TEAD1: variants seen among roughly 807,000 people sequenced by gnomAD.
The protein encoded by TEAD1 is TEA domain transcription factor 1.
Under a neutral mutation model 54.9 loss-of-function variants are expected in TEAD1, and 9 were observed. The observed-to-expected ratio is 0.16, with a 90% CI of 0.10 to 0.29. The LOEUF (loss-of-function observed/expected upper bound fraction) is 0.29. Ranked by LOEUF, TEAD1 falls within the 10% of genes least tolerant of loss-of-function variation. The probability of loss-of-function intolerance (pLI) is 1.00; values close to 1 mark genes in which losing one functional copy is unlikely to be tolerated. For synonymous variants in TEAD1, 200 were observed against 187.8 expected (o/e 1.07, Z -0.53); for missense variants, 387 against 535.9 (o/e 0.72, Z 2.74).
intron 3 of TEAD1, among the ~76,000 whole-genome samples, chr11:12,844,407 T>C (rs1590205212): frequency 1.3e-5 from 2 of 152,296 alleles, no homozygotes; most frequent in South Asian, 4.1e-4. Flanking sequence ...CTCCCCCTTT[T>C]TATGTTTGAG....
intron 8 of TEAD1, among the ~76,000 whole-genome samples, chr11:12,882,615 A>G (rs776980158): frequency 3.9e-5 from 6 of 152,228 alleles, no homozygotes; most frequent in Non-Finnish European, 8.8e-5. Flanking sequence ...CACAGTCTTA[A>G]GGAAGATGGG....
chr11:12,919,001 A>T (rs7117204), intron 10 of TEAD1, among the ~76,000 whole-genome samples: 1 of 152,204 alleles, frequency 6.6e-6, no homozygotes, highest in African/African-American at 2.4e-5. Flanking sequence ...AAGGAAGGAT[A>T]TTTGGGGGAG....
chr11:12,871,126 C>G (rs1947737127), intron 5 of TEAD1, among the ~76,000 whole-genome samples: 1 of 152,176 alleles, frequency 6.6e-6, no homozygotes, highest in Admixed American at 6.5e-5. Context: ...CATGCAGTTG[C>G]AGTGTGAAAG....
chr11:12,696,956 G>A (rs563741563), intron 2 of TEAD1, among the ~76,000 whole-genome samples: 1 of 152,286 alleles, frequency 6.6e-6, no homozygotes, highest in South Asian at 2.1e-4. Context: ...GTCTCAGACT[G>A]GAACATTTCA....
intron 3 of TEAD1, among the ~76,000 whole-genome samples, chr11:12,849,862 T>C (rs1466305628): frequency 6.6e-6 from 1 of 152,228 alleles, no homozygotes; most frequent in Non-Finnish European, 1.5e-5. Flanking sequence ...CCTCTTAATG[T>C]TAAGATAGTG....
rs189585961 is a variant in TEAD1 at position 12,691,690 on chromosome 11, T to C, written c.-55+16129T>C. Among the ~76,000 whole-genome samples, 86 of 152,348 alleles carry C rather than the reference T, an allele frequency of 5.6e-4. 1 individual carries two copies. Among genetic ancestry groups the C allele is most frequent in the African/African-American group, 1.9e-3 (79 of 41,590 alleles). Reference sequence around the variant, plus strand: ...TCCTGAAGGCCAAAGCTCATGTTAATGTAGGCTTCACAGAAGTCTTTAGTC... The same window carrying C: ...TCCTGAAGGCCAAAGCTCATGTTAACGTAGGCTTCACAGAAGTCTTTAGTC... On this transcript the variant is annotated intron_variant, in intron 2 of 12. Coordinates refer to ENST00000527636, the MANE Select transcript of TEAD1 (RefSeq NM_021961.6).
chr11:12,710,507 A>G (rs958092066), intron 2 of TEAD1, among the ~76,000 whole-genome samples: 7 of 152,176 alleles, frequency 4.6e-5, no homozygotes, highest in Non-Finnish European at 1.5e-5. Flanking sequence ...ACTGGGTGAT[A>G]AGTGCAAATA....
At chr11:12,811,017 C>T (rs989370987) in intron 3 of TEAD1, among the ~76,000 whole-genome samples, 1 of 152,166 alleles carries the variant, frequency 6.6e-6, no homozygotes, top group Admixed American at 6.5e-5. Context: ...AGAGGCCAGC[C>T]CTCTCACTGG....
chr11:12,902,160 C>T (rs1443710871), intron 10 of TEAD1, 47 bp downstream of exon 10: 1 of 1,609,562 alleles, frequency 6.2e-7, no homozygotes, highest in Non-Finnish European at 8.5e-7. Context: ...TCTGAATGGT[C>T]ACATCTCTTA....
At chr11:12,850,670 G>A (rs966145396) in intron 3 of TEAD1, among the ~76,000 whole-genome samples, 1 of 152,126 alleles carries the variant, frequency 6.6e-6, no homozygotes, top group Non-Finnish European at 1.5e-5. Flanking sequence ...ACCAGAAATC[G>A]GCAGCATTGC....
rs564213012 is a variant in TEAD1, at chr11:12,897,020, A to G, written c.700-4920A>G. ...AGGGGACTCTTTTGGAGAAGTCAAA[A>G]TTAGCCTCCGTTTTGGATATTGAGG... is the stretch of plus-strand genomic sequence containing the variant. On this transcript the variant is annotated intron_variant, in intron 9 of 12. Transcript: ENST00000527636. Among the ~76,000 whole-genome samples the G allele has an allele frequency of 1.9e-4, 29 of 152,338 alleles. No individual in the cohort carries two copies. In the East Asian group the frequency reaches 3.7e-3, roughly 19 times the overall value.
chr11:12,771,915 A>G (rs1945319196), intron 3 of TEAD1, among the ~76,000 whole-genome samples: 1 of 152,230 alleles, frequency 6.6e-6, no homozygotes, highest in Non-Finnish European at 1.5e-5. Context: ...GAAACACTCA[A>G]AGAGCTTAAA....
At chr11:12,914,575 C>T (rs1241178720) in intron 10 of TEAD1, among the ~76,000 whole-genome samples, 1 of 152,226 alleles carries the variant, frequency 6.6e-6, no homozygotes, top group African/African-American at 2.4e-5. Context: ...GCTTCCCCAC[C>T]CACCCCAAGC....
chr11:12,831,698 G>GAGGTGGGAGGATTACTTT (rs1365951576), intron 3 of TEAD1, among the ~76,000 whole-genome samples: 4 of 151,542 alleles, frequency 2.6e-5, no homozygotes, highest in African/African-American at 9.7e-5. Context: ...AGGATTACTT[G>GAGGTGGGAGGATTACTTT]AGCCTGGGTG....
At chr11:12,753,812 A>C (rs1387238271) in intron 2 of TEAD1, among the ~76,000 whole-genome samples, 2 of 152,122 alleles carry the variant, frequency 1.3e-5, no homozygotes, top group East Asian at 3.8e-4. Context: ...ATCCTCGACT[A>C]CTTTATGGCC....
At chr11:12,775,493 G>A (rs897628763) in intron 3 of TEAD1, among the ~76,000 whole-genome samples, 4 of 152,170 alleles carry the variant, frequency 2.6e-5, no homozygotes, top group Admixed American at 2.0e-4. Flanking sequence ...TTACGTGAAA[G>A]CGTGTCTCTG....
At chr11:12,688,040 C>CATCACCCT (rs1335385924) in intron 2 of TEAD1, among the ~76,000 whole-genome samples, 2 of 152,326 alleles carry the variant, frequency 1.3e-5, no homozygotes, top group Non-Finnish European at 2.9e-5. Flanking sequence ...TAGCCCCCTC[C>CATCACCCT]ATCACCCTGT....
intron 3 of TEAD1, among the ~76,000 whole-genome samples, chr11:12,820,231 A>AT (rs1946513643): frequency 6.6e-6 from 1 of 152,042 alleles, no homozygotes. Context: ...CCATACAGTA[A>AT]TTTTTTTCAA....
At chr11:12,870,608 G>GGGC (rs1486769030) in intron 5 of TEAD1, among the ~76,000 whole-genome samples, 5 of 152,208 alleles carry the variant, frequency 3.3e-5, no homozygotes, top group Admixed American at 2.0e-4. Flanking sequence ...GGACAAGGCT[G>GGGC]GGCACGGTGG....
Sources: allele counts gnomAD v4.1 joint callset (sites outside exome capture counted in the v4.1 genomes callset), GRCh38; gene constraint gnomAD v4.1.1; transcripts MANE v1.5; gene names NCBI Gene and HGNC (gene_info 2026-07-23, HGNC 2026-07-21).